The following WDR33 variants were observed in gnomAD, a reference collection of about 807,000 sequenced individuals.
The protein encoded by WDR33 is WD repeat domain 33, also known as pre-mRNA 3' end processing protein WDR33.
In WDR33, 47 loss-of-function variants were observed where a neutral mutation model predicts 164.9. The ratio of observed to expected loss-of-function variants is 0.29; its 90% CI spans 0.23 to 0.36. The LOEUF is 0.36. Among genes scored for constraint, WDR33 ranks in the 10% least tolerant of loss-of-function variants. WDR33 has a pLI of 1.00. For synonymous variants in WDR33, 505 were observed against 589.0 expected (o/e 0.86, Z 2.06); for missense variants, 1,137 against 1,754.1 (o/e 0.65, Z 6.28).
chr2:127,800,230 A>C (rs1015512484), intron 1 of WDR33, among the ~76,000 whole-genome samples: 5 of 152,254 alleles, frequency 3.3e-5, no homozygotes, highest in Admixed American at 2.6e-4. Context: ...GTTATTAATA[A>C]TAATCAAAAA....
At position 127,722,447 on chromosome 2, in the gene WDR33, T is replaced by G; in HGVS notation, c.1518+144A>C. 5.2e-6 allele frequency: 6 copies of G among 1,154,472 alleles called. No individual in the cohort carries two copies. Among genetic ancestry groups the G allele is most frequent in the Non-Finnish European group, 7.3e-6 (6 of 820,404 alleles). 71.5% of individuals were successfully genotyped at this position (1,154,472 alleles called of 1,614,324 possible). ...CTCAATACAACTGCAAAGCAGTAGA[T>G]GAGAACCATGTCTAAGAGTACGTGA... On this transcript the variant is annotated intron_variant, in intron 14 of 21. Coordinates refer to ENST00000322313, the MANE Select transcript of WDR33 (RefSeq NM_018383.5). The surrounding 1 kb of genome is among the most constrained non-coding windows in gnomAD (Gnocchi z 5.1).
At position 127,702,170 on chromosome 2, in the gene WDR33, C is replaced by G. The variant is rs550790581; in HGVS notation, c.*4153G>C. ...GCGCCGGCCTCGCCAAGGTGCTGCC[C>G]GTGTGAGGACCTCGCGCCCTCGCCG... On this transcript the variant is annotated 3_prime_UTR_variant, in exon 22 of 22. Coordinates refer to ENST00000322313, the MANE Select transcript of WDR33 (RefSeq NM_018383.5). The G allele has an allele frequency of 5.8e-6, 7 of 1,213,386 alleles. No homozygotes were observed. Among genetic ancestry groups the G allele is most frequent in the Admixed American group, 4.4e-5 (1 of 22,954 alleles). The allele number at this position is 1,213,386 out of a possible 1,614,324, so 75.2% of individuals were successfully genotyped here.
intron 1 of WDR33, among the ~76,000 whole-genome samples, chr2:127,776,025 AAC>A (rs1688174065): frequency 1.3e-5 from 2 of 152,200 alleles, no homozygotes; most frequent in Admixed American, 1.3e-4. Context: ...CCAAAATCAC[AAC>A]AGTCTTGGCC....
At position 127,735,174 on chromosome 2, in the gene WDR33, C is replaced by T. The variant is rs1686809438; in HGVS notation, c.725-8397G>A. On this transcript the variant is annotated intron_variant, in intron 7 of 21. Transcript: ENST00000322313. This position sits in a 1 kb window ranked among gnomAD's most constrained non-coding sequence, Gnocchi z 4.3. ...TAAGGGCAGAAGGTCTGCTTTTTGACTATTCCCTTAAAGGAGGAGGTTCCC... is the reference window on the plus strand; with the variant it reads ...TAAGGGCAGAAGGTCTGCTTTTTGATTATTCCCTTAAAGGAGGAGGTTCCC... 6.6e-6 allele frequency among the ~76,000 whole-genome samples: 1 copy of T among 152,184 alleles called. No individual in the cohort carries two copies. Among genetic ancestry groups the T allele is most frequent in the Non-Finnish European group, 1.5e-5 (1 of 68,032 alleles).
At position 127,701,393 on chromosome 2, in the gene WDR33, C is replaced by T. The variant is rs1479882137; in HGVS notation, c.*4930G>A. ...CCACAAAAGTCCGCAGAGCAGGCAC[C>T]GCGGCACTTCCGCGAGCGCCGCAGG... On this transcript the variant is annotated 3_prime_UTR_variant, in exon 22 of 22. Transcript: ENST00000322313. The T allele has an allele frequency of 2.3e-6, 2 of 862,556 alleles. No individual in the cohort carries two copies. Among genetic ancestry groups the T allele is most frequent in the African/African-American group, 3.5e-5 (2 of 56,760 alleles). The allele number at this position is 862,556 out of a possible 1,614,324, so 53.4% of individuals were successfully genotyped here. A position where few individuals can be genotyped will look rare whatever the true frequency, so the allele number is the denominator to read the frequency against.
chr2:127,802,407 G>A (rs1440674988), intron 1 of WDR33, among the ~76,000 whole-genome samples: 1 of 152,072 alleles, frequency 6.6e-6, no homozygotes, highest in Non-Finnish European at 1.5e-5. Flanking sequence ...TCATCCTTCA[G>A]AGTAGCTGGG....
At chr2:127,795,145 G>C (rs999045480) in intron 1 of WDR33, among the ~76,000 whole-genome samples, 2 of 142,216 alleles carry the variant, frequency 1.4e-5, no homozygotes, top group Non-Finnish European at 3.0e-5. Flanking sequence ...CTGTTGCCCA[G>C]GCTGGAGTGC....
At position 127,713,562 on chromosome 2, in the gene WDR33, C is replaced by A; in HGVS notation, c.3308+21G>T. On this transcript the variant is annotated intron_variant, in intron 18 of 21. Transcript: ENST00000322313. The surrounding 1 kb of genome is among the most constrained non-coding windows in gnomAD (Gnocchi z 6.2). ...AAAGCTCCACTGAAGATGGAATGGG[C>A]CCACAAAGTATCTGTCCCACCTTTC... The A allele has an allele frequency of 1.9e-6, 3 of 1,612,170 alleles. No homozygotes were observed. The highest frequency in any genetic ancestry group is 1.7e-5 in the Admixed American group (1 of 59,686).
In WDR33 at chr2:127,807,916, G is replaced by C. The variant is rs116432706; in HGVS notation, c.-24+3096C>G. 3.1e-3 allele frequency among the ~76,000 whole-genome samples: 468 copies of C among 152,378 alleles called. 2 individuals are homozygous for C. Among genetic ancestry groups the C allele is most frequent in the Non-Finnish European group, 5.2e-3 (353 of 68,044 alleles). On this transcript the variant is annotated intron_variant, in intron 1 of 21. Coordinates refer to ENST00000322313, the MANE Select transcript of WDR33 (RefSeq NM_018383.5). ...GGAATTAGAGGCTACAGTGAGCCAT[G>C]ATCATGCCACTGTATTCCAGCCTGG... is the stretch of plus-strand genomic sequence containing the variant.
At position 127,741,987 on chromosome 2, in the gene WDR33, A is replaced by C. The variant is rs1248664387; in HGVS notation, c.725-15210T>G. Among the ~76,000 whole-genome samples, 1 of 147,854 alleles carries C rather than the reference A, an allele frequency of 6.8e-6. No individual in the cohort carries two copies. The highest frequency in any genetic ancestry group is 1.5e-5 in the Non-Finnish European group (1 of 66,444). On this transcript the variant is annotated intron_variant, in intron 7 of 21. Coordinates refer to ENST00000322313, the MANE Select transcript of WDR33 (RefSeq NM_018383.5). This position sits in a 1 kb window ranked among gnomAD's most constrained non-coding sequence, Gnocchi z 4.1. ...AGGCCGAGGCGGGTGGATCACCTGA[A>C]GTCAGGAGTTCAAGATCAGCCTGGC...
At chr2:127,803,851 G>A (rs927885921) in intron 1 of WDR33, among the ~76,000 whole-genome samples, 3 of 151,556 alleles carry the variant, frequency 2.0e-5, no homozygotes, top group African/African-American at 7.3e-5. Context: ...GGGAGACTGA[G>A]GTAGGAGAAT....
chr2:127,717,048 G>A lies in WDR33; in HGVS notation c.2869+107C>T, dbSNP rs1686318468. 8.6e-7 allele frequency: 1 copy of A among 1,160,066 alleles called. No individual in the cohort carries two copies. Among genetic ancestry groups the A allele is most frequent in the African/African-American group, 1.5e-5 (1 of 65,138 alleles). The allele number at this position is 1,160,066 out of a possible 1,614,324, so 71.9% of individuals were successfully genotyped here. A position where few individuals can be genotyped will look rare whatever the true frequency, so the allele number is the denominator to read the frequency against. The stretch of plus-strand genomic sequence containing the variant: ...TGACCACACCCTTATTTTGCCCAGA[G>A]GTTCAAATGACCAGTCTATCAATGA... On this transcript the variant is annotated intron_variant, in intron 17 of 21. Coordinates refer to ENST00000322313, the MANE Select transcript of WDR33 (RefSeq NM_018383.5). The surrounding 1 kb of genome is among the most constrained non-coding windows in gnomAD (Gnocchi z 5.6).
Position 127,719,135 on chromosome 2 carries a change from T to C in WDR33, c.2760+130A>G. ...TCATTCTTCAGCCAGGATGCTAGTA[T>C]CTTAAGCTACTGTCACTACTTGATA... On this transcript the variant is annotated intron_variant, in intron 16 of 21. Coordinates refer to ENST00000322313, the MANE Select transcript of WDR33 (RefSeq NM_018383.5). This position sits in a 1 kb window ranked among gnomAD's most constrained non-coding sequence, Gnocchi z 6.5. 8 of 1,174,028 alleles carry C rather than the reference T, an allele frequency of 6.8e-6. No individual in the cohort carries two copies. Among genetic ancestry groups the C allele is most frequent in the Non-Finnish European group, 8.8e-6 (8 of 909,108 alleles). The allele number at this position is 1,174,028 out of a possible 1,614,324, so 72.7% of individuals were successfully genotyped here.
chr2:127,727,489 G>A (rs1045622419), intron 7 of WDR33, among the ~76,000 whole-genome samples: 2 of 152,018 alleles, frequency 1.3e-5, no homozygotes, highest in African/African-American at 2.4e-5. Context: ...AGAAACAGAA[G>A]GGCTGGAAGG....
intron 1 of WDR33, among the ~76,000 whole-genome samples, chr2:127,789,952 C>A (rs1012366968): frequency 6.6e-6 from 1 of 152,140 alleles, no homozygotes; most frequent in African/African-American, 2.4e-5. Context: ...CCTTTCACCT[C>A]AGCCTCCAGA....
At chr2:127,762,947 G>A in intron 7 of WDR33, 115 bp downstream of exon 7, 2 of 1,533,216 alleles carry the variant, frequency 1.3e-6, no homozygotes, top group Non-Finnish European at 1.8e-6. Flanking sequence ...GAGACGGTGT[G>A]TATATGTAAA....
At chr2:127,725,651 T>C (rs1686552134) in intron 8 of WDR33, among the ~76,000 whole-genome samples, 1 of 151,932 alleles carries the variant, frequency 6.6e-6, no homozygotes, top group Admixed American at 6.6e-5. Context: ...GGAGAATCAC[T>C]TGAACCCAGG....
At chr2:127,748,975 T>G (rs1051857130) in intron 7 of WDR33, among the ~76,000 whole-genome samples, 17 of 152,110 alleles carry the variant, frequency 1.1e-4, no homozygotes, top group Non-Finnish European at 1.5e-4. Context: ...AAGCAAGATT[T>G]TCATATGCAC....
At chr2:127,747,717 A>C (rs576482567) in intron 7 of WDR33, among the ~76,000 whole-genome samples, 1 of 152,322 alleles carries the variant, frequency 6.6e-6, no homozygotes, top group South Asian at 2.1e-4. Context: ...GTAAAAACAT[A>C]CTGCTGGCAT....
Sources: allele counts gnomAD v4.1 joint callset (sites outside exome capture counted in the v4.1 genomes callset), GRCh38; gene constraint gnomAD v4.1.1; non-coding constraint Gnocchi (gnomAD v3.1); transcripts MANE v1.5; gene names NCBI Gene and HGNC (gene_info 2026-07-23, HGNC 2026-07-21).